SASS6: variants seen among roughly 807,000 people sequenced by gnomAD.
The protein encoded by SASS6 is spindle assembly abnormal protein 6 homolog.
In SASS6, 59 loss-of-function variants were observed where a neutral mutation model predicts 94.9. The observed-to-expected ratio is 0.62, with a 90% confidence interval of 0.50 to 0.77. The LOEUF is 0.77. Ranked by LOEUF, SASS6 falls within the 30% of genes least tolerant of loss-of-function variation. SASS6 has a pLI of 0.00. For synonymous variants in SASS6, 264 were observed against 270.0 expected, an observed-to-expected ratio of 0.98 and a Z score of 0.22; for missense variants, 698 against 734.1, an observed-to-expected ratio of 0.95 and a Z score of 0.57.
intron 7 of SASS6, among the ~76,000 whole-genome samples, chr1:100,113,140 T>A (rs1653483104): frequency 6.6e-6 from 1 of 152,146 alleles, no homozygotes. Context: ...GAGGGAGGAA[T>A]AGAGTGAGGT....
At chr1:100,092,473 T>A (rs964789997) in intron 14 of SASS6, among the ~76,000 whole-genome samples, 1 of 152,158 alleles carries the variant, frequency 6.6e-6, no homozygotes, top group African/African-American at 2.4e-5. Flanking sequence ...GTAGAAGAAC[T>A]TAGAATACCA....
intron 7 of SASS6, among the ~76,000 whole-genome samples, chr1:100,112,216 A>C (rs1388243975): frequency 6.6e-6 from 1 of 152,208 alleles, no homozygotes; most frequent in Non-Finnish European, 1.5e-5. Context: ...CTTAAATCAG[A>C]AAAGCACACA....
chr1:100,106,858 AAATAAAAG>A (rs1335655081), intron 12 of SASS6, 46 bp downstream of exon 12: 1 of 818,240 alleles, frequency 1.2e-6, no homozygotes, highest in Non-Finnish European at 2.1e-6. Flanking sequence ...TGTCTCAAAA[AAATAAAAG>A]AATAAAACTA....
rs1390621703 is a variant in SASS6, at chr1:100,123,203, T to C, written c.206+7A>G. 6 of 1,272,488 alleles carry C rather than the reference T, an allele frequency of 4.7e-6. No homozygotes were observed. The highest frequency in any genetic ancestry group is 1.9e-4 in the Middle Eastern group (1 of 5,342). 78.8% of individuals were successfully genotyped at this position (1,272,488 alleles called of 1,614,324 possible). On this transcript the variant is annotated splice_region_variant and intron_variant, in intron 3 of 16. Coordinates refer to ENST00000287482, the MANE Select transcript of SASS6 (RefSeq NM_194292.3). The stretch of plus-strand genomic sequence containing the variant: ...CTAAATATAAGATCAGAAAAAAATT[T>C]AGTTACCTTTGAAAATCTTCCTCAG...
At chr1:100,129,017 T>A (rs1654827530) in intron 1 of SASS6, among the ~76,000 whole-genome samples, 1 of 152,058 alleles carries the variant, frequency 6.6e-6, no homozygotes, top group Admixed American at 6.6e-5. Flanking sequence ...GGTGGGTGGA[T>A]CACCTGAGGC....
Position 100,105,816 on chromosome 1 carries a change from T to C in SASS6, c.1496A>G (p.His499Arg), listed in dbSNP as rs754956519. ...VLGPSTTPPA[H>R]SSSNTIRSGI... ...ACTTCTGATTGTGTTGCTGCTGGAA[T>C]GTGCAGGCGGAGTAGTAGAAGGTCC... The change falls in exon 13 of 17, where the codon CAT (histidine) becomes CGT (arginine). Residue 499 changes from histidine to arginine, a missense_variant. His to Arg is a conservative substitution (Grantham distance 29). Transcript: ENST00000287482. The C allele has an allele frequency of 2.5e-6, 4 of 1,613,292 alleles. No individual in the cohort carries two copies. Among genetic ancestry groups the C allele is most frequent in the East Asian group, 2.2e-5 (1 of 44,856 alleles).
At chr1:100,106,394 GGGATAT>G (rs1291478677) in intron 12 of SASS6, among the ~76,000 whole-genome samples, 1 of 152,130 alleles carries the variant, frequency 6.6e-6, no homozygotes, top group Non-Finnish European at 1.5e-5. Flanking sequence ...ACTGACCTAT[GGGATAT>G]GGTTTTCTTT....
At chr1:100,128,455 T>C (rs1350874072) in intron 1 of SASS6, among the ~76,000 whole-genome samples, 2 of 152,230 alleles carry the variant, frequency 1.3e-5, no homozygotes, top group African/African-American at 4.8e-5. Context: ...ACTATGACAA[T>C]TTACCAATCA....
At chr1:100,085,892 C>CTA (rs1358625582) in intron 15 of SASS6, among the ~76,000 whole-genome samples, 2 of 151,984 alleles carry the variant, frequency 1.3e-5, no homozygotes, top group African/African-American at 4.8e-5. Context: ...TCTACAAGTG[C>CTA]TATAAAAATT....
Position 100,102,989 on chromosome 1 carries a change from G to C in SASS6, c.1640C>G (p.Ala547Gly). 1 of 1,611,994 alleles carries C rather than the reference G, an allele frequency of 6.2e-7. No individual in the cohort carries two copies. Among genetic ancestry groups the C allele is most frequent in the Non-Finnish European group, 8.5e-7 (1 of 1,178,450 alleles). The change falls in exon 14 of 17, where the codon GCC (alanine) becomes GGC (glycine). Residue 547 changes from alanine to glycine, a missense_variant. Coordinates refer to ENST00000287482, the MANE Select transcript of SASS6 (RefSeq NM_194292.3). The stretch of plus-strand genomic sequence containing the variant: ...TGAACCAGGGTGGCTGGTATTTTTG[G>C]CAGATATCGAATGAGGGAAGGTATT... The part of the protein sequence containing the change: ...FQNTFPHSIS[A>G]KNTSHPGSGT...
intron 14 of SASS6, among the ~76,000 whole-genome samples, chr1:100,093,908 A>G (rs1337649673): frequency 6.6e-6 from 1 of 152,254 alleles, no homozygotes; most frequent in Non-Finnish European, 1.5e-5. Flanking sequence ...CTCTTAAATC[A>G]GAACATAATC....
chr1:100,088,282 A>C, intron 14 of SASS6, 46 bp from the exon 15 acceptor site: 6 of 962,388 alleles, frequency 6.2e-6, no homozygotes, highest in Non-Finnish European at 1.0e-5. Context: ...ATATAGAAGT[A>C]GACAGTTTTG....
At chr1:100,122,117 A>C (rs979961488) in intron 4 of SASS6, among the ~76,000 whole-genome samples, 5 of 152,218 alleles carry the variant, frequency 3.3e-5, no homozygotes, top group Admixed American at 1.3e-4. Flanking sequence ...CCTTTTTCCA[A>C]TATCATTATA....
At chr1:100,119,442 G>A (rs974018274) in intron 6 of SASS6, among the ~76,000 whole-genome samples, 1 of 152,156 alleles carries the variant, frequency 6.6e-6, no homozygotes, top group Admixed American at 6.5e-5. Context: ...CGATTATAAG[G>A]AATAGTTCAC....
intron 7 of SASS6, among the ~76,000 whole-genome samples, chr1:100,117,885 GATGAA>G (rs934868738): frequency 2.0e-5 from 3 of 149,254 alleles, no homozygotes; most frequent in African/African-American, 7.4e-5. Flanking sequence ...CAGAAAAAGG[GATGAA>G]AAGAAAATAA....
intron 4 of SASS6, 91 bp from the exon 5 acceptor site, chr1:100,121,640 G>C (rs774754249): frequency 6.4e-5 from 47 of 739,812 alleles, no homozygotes; most frequent in Non-Finnish European, 8.1e-5. Flanking sequence ...AGAAAGCTCA[G>C]GAAAGGGAGC....
At chr1:100,101,980 T>A (rs918875872) in intron 14 of SASS6, among the ~76,000 whole-genome samples, 6 of 152,230 alleles carry the variant, frequency 3.9e-5, no homozygotes, top group African/African-American at 1.4e-4. Context: ...TATTTTTTCA[T>A]AAATGTTTAT....
Position 100,107,722 on chromosome 1 carries a change from T to A in SASS6, c.1057-5A>T, listed in dbSNP as rs527396142. 2.5e-6 allele frequency: 4 copies of A among 1,582,600 alleles called. No individual in the cohort carries two copies. In the African/African-American group the frequency reaches 5.4e-5, roughly 21 times the overall value. On this transcript the variant is annotated splice_region_variant and splice_polypyrimidine_tract_variant and intron_variant, in intron 9 of 16. Coordinates refer to ENST00000287482, the MANE Select transcript of SASS6 (RefSeq NM_194292.3). ...ACCATTTTCTTCTAAAACCACCTGA[T>A]ATATTTTTTAAAAACATGAATAATT...
intron 7 of SASS6, among the ~76,000 whole-genome samples, chr1:100,114,957 C>T (rs74102371): frequency 0.041 from 6,278 of 152,088 alleles, 314 homozygotes; most frequent in African/African-American, 0.12. Context: ...TTAAAATTCT[C>T]AGGTAGCAAG....
Sources: allele counts gnomAD v4.1 joint callset (sites outside exome capture counted in the v4.1 genomes callset), GRCh38; gene constraint gnomAD v4.1.1; transcripts MANE v1.5; gene names NCBI Gene and HGNC (gene_info 2026-07-23, HGNC 2026-07-21).